HTT: variants seen among roughly 807,000 people sequenced by gnomAD.
HTT encodes the protein huntingtin.
Under a neutral mutation model 362.3 loss-of-function variants are expected in HTT, and 104 were observed. That is an observed-to-expected ratio of 0.29 (90% confidence interval 0.24 to 0.34). The LOEUF is 0.34. HTT is among the 10% of genes least tolerant of loss of function. HTT has a pLI of 1.00. For synonymous variants in HTT, 1,577 were observed against 1,548.7 expected, an observed-to-expected ratio of 1.02 and a Z score of -0.43; for missense variants, 3,301 against 3,928.6, an observed-to-expected ratio of 0.84 and a Z score of 4.27.
At chr4:3,145,094 AT>A in intron 23 of HTT, 57 bp from the exon 24 acceptor site, 1 of 1,220,602 alleles carries the variant, frequency 8.2e-7, no homozygotes, top group Non-Finnish European at 1.2e-6. Context: ...AACAGGAGAT[AT>A]AATTCAATAA....
intron 19 of HTT, 80 bp from the exon 20 acceptor site, chr4:3,135,824 A>C (rs1716039000): frequency 1.8e-6 from 2 of 1,137,340 alleles, no homozygotes; most frequent in Non-Finnish European, 2.5e-6. Context: ...CACCTGGATG[A>C]GCCTGCTCTG....
At chr4:3,078,952 A>G (rs368781147) in intron 1 of HTT, among the ~76,000 whole-genome samples, 59 of 152,104 alleles carry the variant, frequency 3.9e-4, no homozygotes, top group Middle Eastern at 6.8e-3. Context: ...AGCCAGGATG[A>G]TCTTGATCTC....
At chr4:3,195,266 C>A (rs1346682749) in intron 40 of HTT, among the ~76,000 whole-genome samples, 3 of 152,142 alleles carry the variant, frequency 2.0e-5, no homozygotes, top group African/African-American at 4.8e-5. Context: ...CCACATCCTG[C>A]CTGTTTTGAA....
At chr4:3,198,068 G>A (rs1026401382) in intron 40 of HTT, among the ~76,000 whole-genome samples, 5 of 152,134 alleles carry the variant, frequency 3.3e-5, no homozygotes, top group Non-Finnish European at 7.4e-5. Context: ...ACTCCTCGTC[G>A]TGACCTGGTC....
intron 7 of HTT, 122 bp from the exon 8 acceptor site, chr4:3,115,963 C>A: frequency 1.1e-6 from 1 of 897,354 alleles, no homozygotes; most frequent in Non-Finnish European, 1.8e-6. Flanking sequence ...TCATGGCGTA[C>A]TCGTTCATGA....
chr4:3,079,014 G>A (rs1712735436), intron 1 of HTT, among the ~76,000 whole-genome samples: 1 of 152,120 alleles, frequency 6.6e-6, no homozygotes, highest in Non-Finnish European at 1.5e-5. Flanking sequence ...GCCTCCCAAA[G>A]TGCTGGGATT....
In HTT at chr4:3,211,945, T is replaced by C; in HGVS notation, c.6431T>C (p.Leu2144Pro). The change falls in exon 48 of 67, where the codon CTG becomes CCG. Residue 2144 changes from leucine (L) to proline (P), a missense_variant. Around this residue, in one of 4 missense-constraint regions of HTT, gnomAD observed 2,316 missense variants for 2,658.5 expected, o/e 0.87. Coordinates refer to ENST00000355072, the MANE Select transcript of HTT (RefSeq NM_001388492.1). The part of the protein sequence containing the change: ...FMMNSEFNLS[L>P]LAPCLSLGMS... ...TGATTTCAGGAGTTCAACCTAAGCC[T>C]GCTAGCTCCATGCTTAAGCCTAGGG... The C allele has an allele frequency of 6.2e-7, 1 of 1,614,130 alleles. No homozygotes were observed. Among genetic ancestry groups the C allele is most frequent in the Non-Finnish European group, 8.5e-7 (1 of 1,179,966 alleles).
intron 40 of HTT, among the ~76,000 whole-genome samples, chr4:3,197,002 C>T (rs1190234565): frequency 6.6e-6 from 1 of 152,146 alleles, no homozygotes; most frequent in Non-Finnish European, 1.5e-5. Flanking sequence ...GCCCTCTTTA[C>T]TAAAAAGGCC....
At position 3,206,746 on chromosome 4, in the gene HTT, T is replaced by G; in HGVS notation, c.5899-61T>G. The G allele has an allele frequency of 1.9e-6, 3 of 1,588,248 alleles. No individual in the cohort carries two copies. Among genetic ancestry groups the G allele is most frequent in the Non-Finnish European group, 2.6e-6 (3 of 1,164,980 alleles). On this transcript the variant is annotated intron_variant, in intron 43 of 66. Transcript: ENST00000355072. This position sits in a 1 kb window ranked among gnomAD's most constrained non-coding sequence, Gnocchi z 4.6. Reference sequence around the variant, plus strand: ...CCTTAAAAATGGAGTATTGAAATTTTTAACTTTAATTTCTGATTTGCAAAA... The same window carrying G: ...CCTTAAAAATGGAGTATTGAAATTTGTAACTTTAATTTCTGATTTGCAAAA...
chr4:3,181,403 G>T (rs1016340599), intron 36 of HTT, among the ~76,000 whole-genome samples: 2 of 152,128 alleles, frequency 1.3e-5, no homozygotes, highest in African/African-American at 4.8e-5. Context: ...TTTGACATAG[G>T]GCTAAGGTCT....
At chr4:3,088,188 G>GT (rs1351334116) in intron 2 of HTT, among the ~76,000 whole-genome samples, 1,429 of 99,996 alleles carry the variant, frequency 0.014, 15 homozygotes, top group African/African-American at 0.03. Context: ...TTTCACTTTT[G>GT]TTTTTTTTTT....
chr4:3,229,866 C>T, intron 59 of HTT, 21 bp from the exon 60 acceptor site: 1 of 1,613,154 alleles, frequency 6.2e-7, no homozygotes, highest in Non-Finnish European at 8.5e-7. Flanking sequence ...CCCTTGCCCT[C>T]CTGGTTTTCC....
In HTT at chr4:3,158,641, TG is replaced by T. The variant is rs1717282904; in HGVS notation, c.3753+1445del. Reference sequence around the variant, plus strand: ...TTTTGTTACTAATAGTTACTTCTTATGGGTTTTTTTTCCCCTGAAAATCATT... The same window carrying T: ...TTTTGTTACTAATAGTTACTTCTTATGGTTTTTTTTCCCCTGAAAATCATT... On this transcript the variant is annotated intron_variant, in intron 28 of 66. Coordinates refer to ENST00000355072, the MANE Select transcript of HTT (RefSeq NM_001388492.1). 2.0e-5 allele frequency among the ~76,000 whole-genome samples: 3 copies of T among 150,440 alleles called. No individual in the cohort carries two copies. The South Asian group carries it at 6.4e-4, about 32-fold the overall frequency.
At chr4:3,138,929 A>G (rs1308688611) in intron 21 of HTT, among the ~76,000 whole-genome samples, 1 of 152,184 alleles carries the variant, frequency 6.6e-6, no homozygotes, top group Non-Finnish European at 1.5e-5. Context: ...TCTTTTTAAA[A>G]TAACTTACCT....
chr4:3,213,912 C>A, intron 49 of HTT, 46 bp from the exon 50 acceptor site: 1 of 1,441,076 alleles, frequency 6.9e-7, no homozygotes, highest in Non-Finnish European at 9.2e-7. Flanking sequence ...CTTCCCCAAA[C>A]GAAGGTACAC....
chr4:3,204,251 G>A (rs760186862), intron 42 of HTT, 103 bp downstream of exon 42: 6 of 1,111,896 alleles, frequency 5.4e-6, no homozygotes, highest in Admixed American at 2.0e-5. Flanking sequence ...CAGACCGCCC[G>A]GTGTCCTGCC....
rs781702563 is a variant in HTT, at chr4:3,220,134, C to G, written c.7243-48C>G. 6.2e-6 allele frequency: 10 copies of G among 1,610,208 alleles called. No homozygotes were observed. In the South Asian group the frequency reaches 9.9e-5, roughly 16 times the overall value. ...GGCTTCCTGCTTCCTCACAGTATGT[C>G]TGTCCTGACTCAACTCGGATGATGT... On this transcript the variant is annotated intron_variant, in intron 52 of 66. Coordinates refer to ENST00000355072, the MANE Select transcript of HTT (RefSeq NM_001388492.1).
chr4:3,179,986 C>T (rs1230517862), intron 35 of HTT, among the ~76,000 whole-genome samples: 1 of 152,154 alleles, frequency 6.6e-6, no homozygotes, highest in Non-Finnish European at 1.5e-5. Flanking sequence ...TATATGTGGT[C>T]ATAGTAGACC....
chr4:3,172,973 C>T lies in HTT; in HGVS notation c.4008C>T (p.Ser1336=). ...TTGATGGCTTATCTTCCAACCCCAG[C>T]AAGTCACAAGGCCGAGCACAGCGCC... is the stretch of plus-strand genomic sequence containing the variant. ...SQFDGLSSNP[S]KSQGRAQRLG... Residue 1336 remains serine (S), a synonymous_variant, in exon 31 of 67, where the codon AGC becomes AGT. Transcript: ENST00000355072. 1 of 1,614,232 alleles carries T rather than the reference C, an allele frequency of 6.2e-7. No homozygotes were observed. The highest frequency in any genetic ancestry group is 8.5e-7 in the Non-Finnish European group (1 of 1,180,038).
Sources: allele counts gnomAD v4.1 joint callset (sites outside exome capture counted in the v4.1 genomes callset), GRCh38; gene constraint gnomAD v4.1.1; regional missense constraint gnomAD v4.1.1; non-coding constraint Gnocchi (gnomAD v3.1); transcripts MANE v1.5; gene names NCBI Gene and HGNC (gene_info 2026-07-23, HGNC 2026-07-21).